The following FOXJ3 variants were observed in gnomAD, a reference collection of about 807,000 sequenced individuals.
FOXJ3 encodes the protein forkhead box protein J3.
In FOXJ3, 22 loss-of-function variants were observed where a neutral mutation model predicts 76.1. The observed-to-expected ratio is 0.29, with a 90% CI of 0.21 to 0.41. The LOEUF (loss-of-function observed/expected upper bound fraction) is 0.41, where lower values mean the gene tolerates loss of function less well. FOXJ3 is among the 10% of genes least tolerant of loss of function. The probability of loss-of-function intolerance (pLI) is 1.00; values close to 1 mark genes in which losing one functional copy is unlikely to be tolerated. For missense variants in FOXJ3, 613 were observed against 762.1 expected (o/e 0.80, Z 2.30); for synonymous variants, 269 against 261.2 (o/e 1.03, Z -0.29).
Position 42,218,308 on chromosome 1 carries a change from T to C in FOXJ3, c.528+9575A>G, listed in dbSNP as rs113489953. On this transcript the variant is annotated intron_variant, in intron 5 of 12. Coordinates refer to ENST00000361346, the MANE Select transcript of FOXJ3 (RefSeq NM_014947.5). ...TTCAGATACATGTCCAGATGGAGAG[T>C]ATCCCACCTAGAAAAATGTTCTGTT... Among the ~76,000 whole-genome samples the C allele has an allele frequency of 7.2e-5, 11 of 152,210 alleles. 1 individual carries two copies. Among genetic ancestry groups the C allele is most frequent in the African/African-American group, 2.4e-4 (10 of 41,532 alleles).
intron 4 of FOXJ3, among the ~76,000 whole-genome samples, chr1:42,256,169 C>G (rs150503077): frequency 6.6e-6 from 1 of 152,010 alleles, no homozygotes; most frequent in African/African-American, 2.4e-5. Flanking sequence ...TCTTCATGAC[C>G]GTACTTGATT....
rs375593929 is a variant in FOXJ3, at chr1:42,284,822, A to T, written c.45-6150T>A. Among the ~76,000 whole-genome samples the T allele has an allele frequency of 7.2e-5, 11 of 152,336 alleles. No individual in the cohort carries two copies. The East Asian group carries it at 1.7e-3, about 24-fold the overall frequency. ...TGACTGAAATTTAGCATTTCCTTTAACTGTGACAGCAGACAACAAATCACA... is the reference window on the plus strand; with the variant it reads ...TGACTGAAATTTAGCATTTCCTTTATCTGTGACAGCAGACAACAAATCACA... On this transcript the variant is annotated intron_variant, in intron 2 of 12. Transcript: ENST00000361346.
At chr1:42,189,037 T>C (rs909922452) in intron 10 of FOXJ3, 109 bp from the exon 11 acceptor site, 3 of 676,964 alleles carry the variant, frequency 4.4e-6, no homozygotes. Context: ...CTCACTCCAC[T>C]TTATGGTAGT....
chr1:42,289,904 T>C (rs1653308659), intron 2 of FOXJ3, among the ~76,000 whole-genome samples: 1 of 152,216 alleles, frequency 6.6e-6, no homozygotes, highest in Non-Finnish European at 1.5e-5. Flanking sequence ...ACAAAACCAC[T>C]TTAATTTTTA....
intron 5 of FOXJ3, among the ~76,000 whole-genome samples, chr1:42,211,116 G>A (rs924352786): frequency 2.6e-5 from 4 of 152,170 alleles, no homozygotes; most frequent in African/African-American, 9.7e-5. Flanking sequence ...GGCGGCCCTG[G>A]TGCTCGTGAA....
chr1:42,323,958 A>C (rs1392062269), intron 1 of FOXJ3: 1 of 150,994 alleles, frequency 6.6e-6, no homozygotes, highest in African/African-American at 2.4e-5. Context: ...CAAGTGTTTT[A>C]GCGATATATT....
intron 11 of FOXJ3, among the ~76,000 whole-genome samples, chr1:42,188,396 C>A (rs533968418): frequency 1.3e-5 from 2 of 152,108 alleles, no homozygotes; most frequent in Non-Finnish European, 2.9e-5. Context: ...CAGATCTGTA[C>A]AAATTTAAAT....
intron 2 of FOXJ3, among the ~76,000 whole-genome samples, chr1:42,296,276 A>G (rs1471377596): frequency 6.6e-6 from 1 of 152,058 alleles, no homozygotes; most frequent in East Asian, 1.9e-4. Context: ...CTCCCATTCT[A>G]TAGGCTGTTT....
chr1:42,256,993 T>C (rs974785466), intron 4 of FOXJ3, among the ~76,000 whole-genome samples: 2 of 151,992 alleles, frequency 1.3e-5, no homozygotes, highest in African/African-American at 2.4e-5. Flanking sequence ...AGTTCTATTA[T>C]GTGAACTTAC....
At chr1:42,187,232 A>AC (rs908256448) in intron 11 of FOXJ3, among the ~76,000 whole-genome samples, 15 of 152,316 alleles carry the variant, frequency 9.8e-5, no homozygotes, top group African/African-American at 2.9e-4. Flanking sequence ...ACAGGTACTT[A>AC]CCCCCAAACA....
At chr1:42,326,080 G>A (rs769350117) in intron 1 of FOXJ3, among the ~76,000 whole-genome samples, 2 of 151,920 alleles carry the variant, frequency 1.3e-5, no homozygotes, top group Non-Finnish European at 2.9e-5. Flanking sequence ...GTGAAACCTC[G>A]TCCCTACTAA....
At chr1:42,231,250 C>G (rs1208678098) in intron 4 of FOXJ3, among the ~76,000 whole-genome samples, 1 of 152,062 alleles carries the variant, frequency 6.6e-6, no homozygotes, top group Non-Finnish European at 1.5e-5. Context: ...GGCGTGAACC[C>G]AGAAGGCAGA....
chr1:42,299,300 G>A (rs755713705), intron 2 of FOXJ3, among the ~76,000 whole-genome samples: 1 of 151,410 alleles, frequency 6.6e-6, no homozygotes, highest in Non-Finnish European at 1.5e-5. Context: ...GGTGTGGAGT[G>A]CATATATATT....
chr1:42,227,787 T>C (rs947655986), intron 5 of FOXJ3, 96 bp downstream of exon 5: 3 of 567,374 alleles, frequency 5.3e-6, no homozygotes, highest in Non-Finnish European at 9.2e-6. Context: ...TTACCATCAT[T>C]ATAGTTACAT....
intron 2 of FOXJ3, among the ~76,000 whole-genome samples, chr1:42,292,619 G>C (rs1312933723): frequency 3.3e-5 from 5 of 152,162 alleles, no homozygotes; most frequent in South Asian, 2.1e-4. Context: ...CAGAAAAGCA[G>C]ATCAGTAGAT....
chr1:42,325,364 A>C (rs1165095740), intron 1 of FOXJ3, among the ~76,000 whole-genome samples: 1 of 152,246 alleles, frequency 6.6e-6, no homozygotes, highest in Non-Finnish European at 1.5e-5. Context: ...CAAGCTACTC[A>C]TTCTGCCTTT....
chr1:42,207,843 G>C (rs1557637931), intron 5 of FOXJ3, among the ~76,000 whole-genome samples: 1 of 152,194 alleles, frequency 6.6e-6, no homozygotes, highest in African/African-American at 2.4e-5. Flanking sequence ...TACACATTGA[G>C]AGCAAGGTGA....
At chr1:42,182,313 A>C (rs1646340951) in intron 11 of FOXJ3, among the ~76,000 whole-genome samples, 1 of 152,194 alleles carries the variant, frequency 6.6e-6, no homozygotes, top group South Asian at 2.1e-4. Context: ...ACCTCATTAC[A>C]ATTCAAAAGT....
chr1:42,258,537 G>A (rs999105362), intron 4 of FOXJ3, among the ~76,000 whole-genome samples: 19 of 152,094 alleles, frequency 1.2e-4, no homozygotes, highest in Admixed American at 1.3e-4. Context: ...ATGAACATGT[G>A]GATAACAACT....
Sources: allele counts gnomAD v4.1 joint callset (sites outside exome capture counted in the v4.1 genomes callset), GRCh38; gene constraint gnomAD v4.1.1; transcripts MANE v1.5; gene names NCBI Gene and HGNC (gene_info 2026-07-23, HGNC 2026-07-21).